STK33: variants seen among roughly 807,000 people sequenced by gnomAD.
The protein encoded by STK33 is serine/threonine kinase 33, also known as serine/threonine-protein kinase 33.
Under a neutral mutation model 58.0 loss-of-function variants are expected in STK33, and 52 were observed. That is an observed-to-expected ratio of 0.90 (90% CI 0.72 to 1.13). STK33 has a LOEUF of 1.13. STK33 is among the 50% of genes most tolerant of loss of function. The probability of loss-of-function intolerance (pLI) is 0.00; values close to 1 mark genes in which losing one functional copy is unlikely to be tolerated. For missense variants in STK33, 630 were observed against 604.2 expected (o/e 1.04, Z -0.45); for synonymous variants, 215 against 200.1 (o/e 1.07, Z -0.63).
At position 8,392,234 on chromosome 11, in the gene STK33, T is replaced by C. The variant is rs1341463482; in HGVS notation, c.*276A>G. 2 of 453,582 alleles carry C rather than the reference T, an allele frequency of 4.4e-6. No homozygotes were observed. Among genetic ancestry groups the C allele is most frequent in the Non-Finnish European group, 7.8e-6 (2 of 255,262 alleles). The allele number at this position is 453,582 out of a possible 1,614,324, so 28.1% of individuals were successfully genotyped here. On this transcript the variant is annotated 3_prime_UTR_variant, in exon 16 of 16. Transcript: ENST00000687296. ...CCCACAGCCTTAAATTGAAGGTATC[T>C]GCCCCCCTAAAAAACCTTCGTGTAC...
intron 1 of STK33, among the ~76,000 whole-genome samples, chr11:8,518,138 A>T (rs933353472): frequency 6.6e-6 from 1 of 152,194 alleles, no homozygotes; most frequent in African/African-American, 2.4e-5. Context: ...CTAACAGAGG[A>T]TCTCTTGGCA....
chr11:8,495,536 G>T (rs1950993704), intron 1 of STK33, among the ~76,000 whole-genome samples: 1 of 152,196 alleles, frequency 6.6e-6, no homozygotes, highest in South Asian at 2.1e-4. Flanking sequence ...GGAAGACAGT[G>T]TGGTGATTCC....
intron 1 of STK33, among the ~76,000 whole-genome samples, chr11:8,513,100 C>T (rs1009719502): frequency 7.9e-5 from 12 of 152,130 alleles, no homozygotes; most frequent in African/African-American, 2.9e-4. Flanking sequence ...ATATAAGTTG[C>T]TAATGTATAC....
At chr11:8,530,593 G>A (rs1034246839) in intron 1 of STK33, among the ~76,000 whole-genome samples, 3 of 152,096 alleles carry the variant, frequency 2.0e-5, no homozygotes, top group African/African-American at 7.2e-5. Context: ...AGAAGACAAG[G>A]AAGAGGAAAA....
the STK33 span, among the ~76,000 whole-genome samples, chr11:8,382,208 T>C: frequency 1.3e-5 from 2 of 152,100 alleles, no homozygotes; most frequent in African/African-American, 2.4e-5. Context: ...TCACGCTACA[T>C]TGGGGTGACA....
At chr11:8,490,207 C>G (rs536705494) in intron 1 of STK33, among the ~76,000 whole-genome samples, 2 of 152,336 alleles carry the variant, frequency 1.3e-5, no homozygotes, top group South Asian at 4.1e-4. Context: ...ACAGGACACT[C>G]CTGCCTAAAT....
chr11:8,423,283 C>T (rs1410421337), intron 14 of STK33, among the ~76,000 whole-genome samples: 1 of 150,868 alleles, frequency 6.6e-6, no homozygotes, highest in African/African-American at 2.4e-5. Flanking sequence ...TTTGATCTTT[C>T]CTACTACTTT....
intron 8 of STK33, among the ~76,000 whole-genome samples, chr11:8,461,118 G>C (rs1021259395): frequency 6.6e-6 from 1 of 152,186 alleles, no homozygotes; most frequent in Non-Finnish European, 1.5e-5. Context: ...CTTGTCCATG[G>C]TCTCATGGAT....
chr11:8,581,385 C>T (rs1431800766), intron 1 of STK33, among the ~76,000 whole-genome samples: 2 of 152,128 alleles, frequency 1.3e-5, no homozygotes, highest in Non-Finnish European at 2.9e-5. Context: ...GTGGTGCATG[C>T]CTGTGGTCCT....
At chr11:8,465,037 G>A in intron 6 of STK33, 5 of 331,012 alleles carry the variant, frequency 1.5e-5, no homozygotes, top group East Asian at 1.1e-4. Flanking sequence ...TCCTTTGGAG[G>A]AAAACCATAA....
At chr11:8,452,197 C>T (rs374152534) in intron 11 of STK33, among the ~76,000 whole-genome samples, 9 of 150,650 alleles carry the variant, frequency 6.0e-5, no homozygotes, top group South Asian at 2.1e-4. Context: ...AGCAAGACTC[C>T]GTTTCGAAAA....
At chr11:8,445,343 C>G (rs1197341249) in intron 11 of STK33, among the ~76,000 whole-genome samples, 5 of 152,162 alleles carry the variant, frequency 3.3e-5, no homozygotes, top group Non-Finnish European at 7.3e-5. Context: ...AATTTGACTT[C>G]CTCTCTTCCT....
rs912205638 is a variant in STK33 at position 8,494,614 on chromosome 11, C to A, written c.-465-14000G>T. Among the ~76,000 whole-genome samples, 287 of 152,198 alleles carry A rather than the reference C, an allele frequency of 1.9e-3. 8 individuals are homozygous for A. Among genetic ancestry groups the A allele is most frequent in the Non-Finnish European group, 2.6e-4 (18 of 68,000 alleles). On this transcript the variant is annotated intron_variant, in intron 1 of 15. Transcript: ENST00000687296. Reference sequence around the variant, plus strand: ...AAACTACTTTAAAGTTCATACGGAACCAAAAAAGAGCCCACATTGCCAAGA... The same window carrying A: ...AAACTACTTTAAAGTTCATACGGAAACAAAAAAGAGCCCACATTGCCAAGA...
intron 1 of STK33, among the ~76,000 whole-genome samples, chr11:8,526,340 C>A (rs781264953): frequency 1.3e-5 from 2 of 151,454 alleles, no homozygotes; most frequent in Non-Finnish European, 2.9e-5. Context: ...TGCAATGAGC[C>A]GAGATCGCAC....
At chr11:8,525,511 T>C (rs1396413650) in intron 1 of STK33, among the ~76,000 whole-genome samples, 2 of 152,168 alleles carry the variant, frequency 1.3e-5, no homozygotes, top group African/African-American at 4.8e-5. Context: ...TTATAGCCTC[T>C]TGAATAAATG....
chr11:8,583,981 G>T (rs906678440), intron 1 of STK33, among the ~76,000 whole-genome samples: 2 of 152,040 alleles, frequency 1.3e-5, no homozygotes, highest in African/African-American at 4.8e-5. Flanking sequence ...CAATTCACTA[G>T]TGGCTGAGCT....
chr11:8,441,233 A>G (rs764106291), intron 11 of STK33, among the ~76,000 whole-genome samples: 2 of 152,134 alleles, frequency 1.3e-5, no homozygotes, highest in Non-Finnish European at 2.9e-5. Flanking sequence ...AATATGAACT[A>G]TTTTCTGCAT....
intron 1 of STK33, among the ~76,000 whole-genome samples, chr11:8,560,143 G>A (rs2140916554): frequency 6.6e-6 from 1 of 152,146 alleles, no homozygotes. Flanking sequence ...GAATATATTT[G>A]TAGAATACAC....
the STK33 span, among the ~76,000 whole-genome samples, chr11:8,354,475 C>CACACACACACACACAT: frequency 2.8e-4 from 1 of 3,608 alleles, no homozygotes; most frequent in Non-Finnish European, 1.3e-3. Flanking sequence ...TGCAAAACCT[C>CACACACACACACACAT]ACACACACAC....
Sources: gnomAD v4.1 joint callset for allele counts (sites outside exome capture counted in the v4.1 genomes callset) on GRCh38, gnomAD v4.1.1 for gene constraint, MANE v1.5 for transcripts, NCBI Gene and HGNC (gene_info 2026-07-23, HGNC 2026-07-21) for gene names.